RALY: variants seen among roughly 807,000 people sequenced by gnomAD.
RALY encodes the protein RNA-binding protein Raly.
Under a neutral mutation model 30.7 loss-of-function variants are expected in RALY, and 15 were observed. That is an observed-to-expected ratio of 0.49 (90% CI 0.33 to 0.75). RALY has a LOEUF of 0.75. Among genes scored for constraint, RALY ranks in the 30% least tolerant of loss-of-function variants. The pLI is 0.02. For synonymous variants in RALY, 177 were observed against 170.8 expected (o/e 1.04, Z -0.28); for missense variants, 339 against 414.3 (o/e 0.82, Z 1.58).
chr20:34,061,120 A>G (rs1011503762), intron 2 of RALY, among the ~76,000 whole-genome samples: 1 of 152,180 alleles, frequency 6.6e-6, no homozygotes, highest in Non-Finnish European at 1.5e-5. Context: ...TTGTCAAAGT[A>G]TGGAGAGAGG....
chr20:34,069,800 A>G (rs1040898097), intron 2 of RALY, among the ~76,000 whole-genome samples: 6 of 152,096 alleles, frequency 3.9e-5, no homozygotes, highest in African/African-American at 1.4e-4. Flanking sequence ...CCAAAGGCAA[A>G]CTGAGTAACA....
chr20:34,067,226 G>A (rs1236094969), intron 2 of RALY, among the ~76,000 whole-genome samples: 6 of 151,976 alleles, frequency 3.9e-5, no homozygotes, highest in African/African-American at 1.2e-4. Context: ...GGAAAGTCTC[G>A]CTCTGTCGCC....
intron 2 of RALY, among the ~76,000 whole-genome samples, chr20:34,071,476 G>A (rs573479561): frequency 2.2e-4 from 33 of 151,796 alleles, no homozygotes; most frequent in African/African-American, 7.7e-4. Flanking sequence ...ACGGGGTTTC[G>A]CCATGTTGGC....
chr20:34,021,847 T>C (rs933152012), intron 1 of RALY, among the ~76,000 whole-genome samples: 1 of 151,796 alleles, frequency 6.6e-6, no homozygotes, highest in African/African-American at 2.4e-5. Flanking sequence ...TTTAAAAAAT[T>C]TGTTCTTTTA....
chr20:34,041,739 G>A (rs150939120), intron 2 of RALY, among the ~76,000 whole-genome samples: 21 of 152,328 alleles, frequency 1.4e-4, no homozygotes, highest in African/African-American at 5.1e-4. Flanking sequence ...GGATATCAGA[G>A]TGGGAAGGGA....
At chr20:34,069,058 A>G (rs983501225) in intron 2 of RALY, among the ~76,000 whole-genome samples, 1 of 152,190 alleles carries the variant, frequency 6.6e-6, no homozygotes, top group South Asian at 2.1e-4. Flanking sequence ...TTGCAACCAC[A>G]TACATACACT....
chr20:33,997,986 G>T (rs2030721552), intron 1 of RALY, among the ~76,000 whole-genome samples: 2 of 152,184 alleles, frequency 1.3e-5, no homozygotes, highest in African/African-American at 4.8e-5. Context: ...TGAATTTATT[G>T]AATAGAATCT....
chr20:34,002,021 C>A (rs138390385), intron 1 of RALY, among the ~76,000 whole-genome samples: 17 of 152,274 alleles, frequency 1.1e-4, no homozygotes, highest in African/African-American at 4.1e-4. Flanking sequence ...CCCACCTCGG[C>A]CTCTCAAAGT....
Position 34,077,332 on chromosome 20 carries a change from T to G in RALY, c.876+87T>G, listed in dbSNP as rs2033921307. 6 of 1,573,032 alleles carry G rather than the reference T, an allele frequency of 3.8e-6. No individual in the cohort carries two copies. The East Asian group carries it at 9.3e-5, about 24-fold the overall frequency. On this transcript the variant is annotated intron_variant, in intron 8 of 9. Coordinates refer to ENST00000246194, the MANE Select transcript of RALY (RefSeq NM_016732.3). Reference sequence around the variant, plus strand: ...CAGGGGAATGGGCAGCCTGAGCTGGTTGCCCCCACTGTGAACTTCCTGTTC... The same window carrying G: ...CAGGGGAATGGGCAGCCTGAGCTGGGTGCCCCCACTGTGAACTTCCTGTTC...
chr20:34,059,244 G>C (rs962305462), intron 2 of RALY, among the ~76,000 whole-genome samples: 1 of 152,178 alleles, frequency 6.6e-6, no homozygotes, highest in Admixed American at 6.5e-5. Context: ...TCAAGGAGAA[G>C]GATTGTTGTA....
chr20:33,998,564 T>C (rs1057030248), intron 1 of RALY, among the ~76,000 whole-genome samples: 3 of 151,940 alleles, frequency 2.0e-5, no homozygotes, highest in Non-Finnish European at 4.4e-5. Context: ...TGGGTGGATA[T>C]GGCCAGACAG....
At chr20:33,999,029 C>G (rs2030777801) in intron 1 of RALY, among the ~76,000 whole-genome samples, 1 of 149,244 alleles carries the variant, frequency 6.7e-6, no homozygotes, top group South Asian at 2.1e-4. Context: ...ATGTGGGAGG[C>G]TAAGGCAGGA....
At position 33,993,982 on chromosome 20, in the gene RALY, G is replaced by GCGGCGGCGA. The variant is rs980862501; in HGVS notation, c.-236_-228dup. 6.6e-6 allele frequency: 1 copy of GCGGCGGCGA among 152,024 alleles called. No individual in the cohort carries two copies. Among genetic ancestry groups the GCGGCGGCGA allele is most frequent in the Non-Finnish European group, 1.5e-5 (1 of 67,884 alleles). The allele number at this position is 152,024 out of a possible 1,614,324, so 9.4% of individuals were successfully genotyped here. A position where few individuals can be genotyped will look rare whatever the true frequency, so the allele number is the denominator to read the frequency against. On this transcript the variant is annotated 5_prime_UTR_variant, in exon 1 of 10. Coordinates refer to ENST00000246194, the MANE Select transcript of RALY (RefSeq NM_016732.3). ...ACCCAGAGAAGCTGAGGGGGCGGTAGCGGCGGCGACGGCGACGACGACGAC... is the reference window on the plus strand; with the variant it reads ...ACCCAGAGAAGCTGAGGGGGCGGTAGCGGCGGCGACGGCGGCGACGGCGACGACGACGAC...
chr20:34,038,484 A>C (rs2032582357), intron 2 of RALY, among the ~76,000 whole-genome samples: 1 of 152,190 alleles, frequency 6.6e-6, no homozygotes, highest in Admixed American at 6.5e-5. Context: ...AACACAAAGC[A>C]GAAATTGCTT....
At chr20:34,073,742 T>C in intron 4 of RALY, 77 bp from the exon 5 acceptor site, 2 of 1,558,502 alleles carry the variant, frequency 1.3e-6, no homozygotes, top group Non-Finnish European at 1.8e-6. Context: ...TGGGGAGGTG[T>C]CTGGAGATGA....
intron 2 of RALY, among the ~76,000 whole-genome samples, chr20:34,043,875 T>C (rs1190698561): frequency 6.6e-6 from 1 of 152,088 alleles, no homozygotes; most frequent in Non-Finnish European, 1.5e-5. Flanking sequence ...GTAAAGTAAG[T>C]AGGCTAGAGC....
chr20:34,038,297 T>C (rs1003348554), intron 2 of RALY, among the ~76,000 whole-genome samples: 145 of 152,128 alleles, frequency 9.5e-4, no homozygotes, highest in African/African-American at 3.3e-3. Context: ...TGAGACAGGG[T>C]CCTGAGCCTG....
chr20:34,026,605 T>A (rs1173039745), intron 1 of RALY, among the ~76,000 whole-genome samples: 4 of 150,024 alleles, frequency 2.7e-5, no homozygotes, highest in African/African-American at 9.9e-5. Context: ...AGAGACGGGG[T>A]TTCACCGTGT....
chr20:34,051,825 T>C (rs575124000), intron 2 of RALY, among the ~76,000 whole-genome samples: 100 of 152,300 alleles, frequency 6.6e-4, no homozygotes, highest in Non-Finnish European at 1.2e-3. Context: ...CAGGATGGTC[T>C]CCATCTCCTG....
Sources: gnomAD v4.1 joint callset for allele counts (sites outside exome capture counted in the v4.1 genomes callset) on GRCh38, gnomAD v4.1.1 for gene constraint, MANE v1.5 for transcripts, NCBI Gene and HGNC (gene_info 2026-07-23, HGNC 2026-07-21) for gene names.